Variants in SNTG1 observed in about 807,000 individuals in gnomAD.
The protein encoded by SNTG1 is gamma-1-syntrophin.
A neutral mutation model predicts 74.7 loss-of-function variants in SNTG1; 39 were observed. The observed-to-expected ratio is 0.52, with a 90% CI of 0.40 to 0.68. The LOEUF (loss-of-function observed/expected upper bound fraction) is 0.68. Ranked by LOEUF, SNTG1 falls within the 30% of genes least tolerant of loss-of-function variation. The probability of loss-of-function intolerance (pLI) is 0.00; values close to 1 mark genes in which losing one functional copy is unlikely to be tolerated. For synonymous variants in SNTG1, 254 were observed against 217.1 expected (o/e 1.17, Z -1.49); for missense variants, 685 against 609.5 (o/e 1.12, Z -1.30).
chr8:50,484,467 G>C (rs912905646), intron 8 of SNTG1, among the ~76,000 whole-genome samples: 2 of 151,174 alleles, frequency 1.3e-5, no homozygotes, highest in African/African-American at 2.4e-5. Context: ...TACCTGTCTC[G>C]GCCTCCCAAA....
intron 1 of SNTG1, among the ~76,000 whole-genome samples, chr8:50,024,743 C>T (rs1459616967): frequency 1.3e-5 from 2 of 152,032 alleles, no homozygotes; most frequent in Non-Finnish European, 2.9e-5. Flanking sequence ...GTCTCTCTCT[C>T]GAGATATTTT....
At chr8:50,363,623 T>A (rs2092025181) in intron 2 of SNTG1, among the ~76,000 whole-genome samples, 1 of 152,210 alleles carries the variant, frequency 6.6e-6, no homozygotes, top group South Asian at 2.1e-4. Flanking sequence ...TGATTATGCA[T>A]AAATATTAAG....
At chr8:50,151,105 T>C (rs1233294578) in intron 1 of SNTG1, among the ~76,000 whole-genome samples, 4 of 152,306 alleles carry the variant, frequency 2.6e-5, no homozygotes. Flanking sequence ...TATTGGTCTA[T>C]TCAGGGATTC....
At chr8:50,242,602 G>T (rs10089723) in intron 2 of SNTG1, among the ~76,000 whole-genome samples, 48,751 of 149,332 alleles carry the variant, frequency 0.33, 8,408 homozygotes, top group African/African-American at 0.45. Flanking sequence ...CTTGTATATT[G>T]ATGTGAAGCC....
At chr8:50,430,757 C>G (rs554762365) in intron 4 of SNTG1, among the ~76,000 whole-genome samples, 8 of 152,170 alleles carry the variant, frequency 5.3e-5, no homozygotes, top group African/African-American at 1.9e-4. Context: ...TCCAGCAAGA[C>G]ATTTAAATGC....
intron 2 of SNTG1, among the ~76,000 whole-genome samples, chr8:50,284,848 C>T (rs1332707285): frequency 1.3e-5 from 2 of 151,984 alleles, no homozygotes; most frequent in East Asian, 1.9e-4. Flanking sequence ...ATAAACTCTC[C>T]TATATCCTTA....
chr8:50,408,248 ATCCTTGCTTTAAAGT>A (rs11270270), intron 4 of SNTG1, among the ~76,000 whole-genome samples: 89,442 of 151,632 alleles, frequency 0.59, 26,521 homozygotes, highest in East Asian at 0.79. Flanking sequence ...GACTATTATC[ATCCTTGCTTTAAAGT>A]TCCTTGCTTT....
chr8:50,695,579 G>A (rs574461331), intron 15 of SNTG1, among the ~76,000 whole-genome samples: 12 of 151,464 alleles, frequency 7.9e-5, no homozygotes, highest in South Asian at 2.1e-4. Flanking sequence ...CTTCTAGTGC[G>A]CCTATTACCC....
chr8:50,526,587 CAA>C (rs2094221387), intron 9 of SNTG1, among the ~76,000 whole-genome samples: 1 of 151,726 alleles, frequency 6.6e-6, no homozygotes, highest in Non-Finnish European at 1.5e-5. Flanking sequence ...TGAACTTCAT[CAA>C]AGTCAGCATA....
At position 50,107,036 on chromosome 8, in the gene SNTG1, G is replaced by T. The variant is rs138289302; in HGVS notation, c.-102-65525G>T. ...TGCCTGCTGGTAATGAGCAACTGAA[G>T]CTCCAGGGTGCCCAGCAAGACAATT... On this transcript the variant is annotated intron_variant, in intron 1 of 18. Transcript: ENST00000642720. Among the ~76,000 whole-genome samples, 706 of 152,234 alleles carry T rather than the reference G, an allele frequency of 4.6e-3. 5 individuals carry two copies. The highest frequency in any genetic ancestry group is 0.016 in the African/African-American group (664 of 41,542).
intron 12 of SNTG1, among the ~76,000 whole-genome samples, chr8:50,558,380 G>C (rs2094468592): frequency 6.6e-6 from 1 of 152,182 alleles, no homozygotes; most frequent in Non-Finnish European, 1.5e-5. Flanking sequence ...CTCTCTCAGA[G>C]TTTTTGTTTG....
intron 17 of SNTG1, among the ~76,000 whole-genome samples, chr8:50,737,700 G>A (rs557783311): frequency 6.6e-6 from 1 of 152,070 alleles, no homozygotes; most frequent in Admixed American, 6.6e-5. Flanking sequence ...ACATCAAAAA[G>A]CTTGTCCACC....
intron 2 of SNTG1, among the ~76,000 whole-genome samples, chr8:50,386,728 G>A (rs2131267003): frequency 6.8e-6 from 1 of 147,544 alleles, no homozygotes; most frequent in East Asian, 2.0e-4. Flanking sequence ...AGAAAGAAGG[G>A]AGGTTCCAGA....
At chr8:50,190,504 A>G (rs1174523489) in intron 2 of SNTG1, among the ~76,000 whole-genome samples, 2 of 152,198 alleles carry the variant, frequency 1.3e-5, no homozygotes, top group African/African-American at 4.8e-5. Flanking sequence ...GTTGATTTAA[A>G]TGATTTCTCT....
chr8:50,168,472 T>G (rs1297818713), intron 1 of SNTG1, among the ~76,000 whole-genome samples: 1 of 152,156 alleles, frequency 6.6e-6, no homozygotes, highest in East Asian at 1.9e-4. Context: ...GAGTATACAT[T>G]ATAAGATGCA....
At chr8:50,523,838 T>G (rs2094199365) in intron 9 of SNTG1, among the ~76,000 whole-genome samples, 1 of 152,176 alleles carries the variant, frequency 6.6e-6, no homozygotes, top group Admixed American at 6.6e-5. Flanking sequence ...ACCTTCAATT[T>G]GTAAAAAATC....
chr8:50,128,014 A>G (rs2081201462), intron 1 of SNTG1, among the ~76,000 whole-genome samples: 1 of 152,100 alleles, frequency 6.6e-6, no homozygotes, highest in South Asian at 2.1e-4. Flanking sequence ...GAGTCTAAAA[A>G]ATGTCTTTTA....
chr8:50,498,826 C>A (rs759151426), intron 8 of SNTG1, among the ~76,000 whole-genome samples: 4 of 151,748 alleles, frequency 2.6e-5, no homozygotes, highest in Non-Finnish European at 5.9e-5. Flanking sequence ...GAAATAGTTC[C>A]AGCACAATTT....
intron 1 of SNTG1, among the ~76,000 whole-genome samples, chr8:50,070,445 A>G (rs1166043067): frequency 6.6e-6 from 1 of 152,214 alleles, no homozygotes; most frequent in Non-Finnish European, 1.5e-5. Context: ...ATGCAATCAT[A>G]AATTCAATCT....
Sources: allele counts gnomAD v4.1 joint callset (sites outside exome capture counted in the v4.1 genomes callset), GRCh38; gene constraint gnomAD v4.1.1; transcripts MANE v1.5; gene names NCBI Gene and HGNC (gene_info 2026-07-23, HGNC 2026-07-21).